JAG1: variants seen among roughly 807,000 people sequenced by gnomAD.
The protein encoded by JAG1 is jagged canonical Notch ligand 1.
JAG1 carries 23 observed loss-of-function variants against 148.7 expected under a neutral mutation model. The observed-to-expected ratio is 0.15, with a 90% CI of 0.11 to 0.22. The LOEUF (loss-of-function observed/expected upper bound fraction) is 0.22. Ranked by LOEUF, JAG1 falls within the 10% of genes least tolerant of loss-of-function variation. The pLI, the probability that JAG1 is intolerant of heterozygous loss-of-function variation, is 1.00. For synonymous variants in JAG1, 572 were observed against 598.3 expected, an observed-to-expected ratio of 0.96 and a Z score of 0.64; for missense variants, 1,054 against 1,611.2, an observed-to-expected ratio of 0.65 and a Z score of 5.92.
At chr20:10,672,310 C>T (rs534220487) in intron 2 of JAG1, among the ~76,000 whole-genome samples, 8 of 152,310 alleles carry the variant, frequency 5.3e-5, no homozygotes, top group African/African-American at 1.9e-4. Context: ...AGAACTGCGC[C>T]GAGTCGCCTT....
chr20:10,656,019 C>T (rs1317769692), intron 5 of JAG1, among the ~76,000 whole-genome samples: 2 of 152,066 alleles, frequency 1.3e-5, no homozygotes, highest in African/African-American at 4.8e-5. Flanking sequence ...TGGGAAAAGT[C>T]GGGGAGGGGG....
At position 10,645,610 on chromosome 20, in the gene JAG1, G is replaced by C; in HGVS notation, c.2000-141C>G. ...AGTCGTAGTACTTTAACACAATCAGGCTTTTCCAGGAATAAAGGAGCTCCC... is the reference window on the plus strand; with the variant it reads ...AGTCGTAGTACTTTAACACAATCAGCCTTTTCCAGGAATAAAGGAGCTCCC... On this transcript the variant is annotated intron_variant, in intron 15 of 25. Transcript: ENST00000254958. This position sits in a 1 kb window ranked among gnomAD's most constrained non-coding sequence, Gnocchi z 6.1. 1 of 752,344 alleles carries C rather than the reference G, an allele frequency of 1.3e-6. No individual in the cohort carries two copies. Among genetic ancestry groups the C allele is most frequent in the South Asian group, 1.5e-5 (1 of 68,068 alleles). 46.6% of individuals were successfully genotyped at this position (752,344 alleles called of 1,614,324 possible). A position where few individuals can be genotyped will look rare whatever the true frequency, so the allele number is the denominator to read the frequency against.
In JAG1 at chr20:10,640,766, T is replaced by C; in HGVS notation, c.3199+17A>G. 1 of 1,613,464 alleles carries C rather than the reference T, an allele frequency of 6.2e-7. No individual in the cohort carries two copies. The highest frequency in any genetic ancestry group is 8.5e-7 in the Non-Finnish European group (1 of 1,179,402). On this transcript the variant is annotated intron_variant, in intron 25 of 25. Coordinates refer to ENST00000254958, the MANE Select transcript of JAG1 (RefSeq NM_000214.3). ...CATCTACTATCATCACACAAACTAG[T>C]CCCACTTGACACCTACCTGTTCTGT...
chr20:10,659,941 G>T (rs990869737), intron 3 of JAG1, among the ~76,000 whole-genome samples: 1 of 152,164 alleles, frequency 6.6e-6, no homozygotes, highest in African/African-American at 2.4e-5. Context: ...TGAAAAGGCA[G>T]CAAGGCACTA....
At chr20:10,666,799 C>A (rs971868379) in intron 2 of JAG1, among the ~76,000 whole-genome samples, 1 of 152,194 alleles carries the variant, frequency 6.6e-6, no homozygotes, top group African/African-American at 2.4e-5. Flanking sequence ...GAATGGTCAG[C>A]CTTCGGAATT....
Position 10,656,522 on chromosome 20 carries a change from G to A in JAG1, c.695-64C>T. The A allele has an allele frequency of 2.2e-6, 3 of 1,369,384 alleles. No individual in the cohort carries two copies. In the South Asian group the frequency reaches 3.5e-5, roughly 16 times the overall value. 84.8% of individuals were successfully genotyped at this position (1,369,384 alleles called of 1,614,324 possible). A position where few individuals can be genotyped will look rare whatever the true frequency, so the allele number is the denominator to read the frequency against. On this transcript the variant is annotated intron_variant, in intron 4 of 25. Transcript: ENST00000254958. ...GTTCCTTGCATCGCCCCGGTCATGA[G>A]AATGGCCCATTGCATTAAAGTCTGC...
intron 2 of JAG1, among the ~76,000 whole-genome samples, chr20:10,671,958 C>CG (rs1464740742): frequency 2.0e-5 from 3 of 152,042 alleles, no homozygotes; most frequent in African/African-American, 7.2e-5. Context: ...GCCGTGCACC[C>CG]GCCCTTCCCG....
At chr20:10,671,638 C>T (rs2122642896) in intron 2 of JAG1, among the ~76,000 whole-genome samples, 1 of 152,286 alleles carries the variant, frequency 6.6e-6, no homozygotes, top group East Asian at 1.9e-4. Flanking sequence ...ACCCACCCTC[C>T]CAGCACAGGC....
intron 13 of JAG1, 98 bp from the exon 14 acceptor site, chr20:10,647,201 G>A (rs2122606505): frequency 7.0e-7 from 1 of 1,418,548 alleles, no homozygotes; most frequent in Non-Finnish European, 9.9e-7. Context: ...CTGGAGACAG[G>A]GACCCTCTGG....
At position 10,645,515 on chromosome 20, in the gene JAG1, C is replaced by T; in HGVS notation, c.2000-46G>A. On this transcript the variant is annotated intron_variant, in intron 15 of 25. Transcript: ENST00000254958. This position sits in a 1 kb window ranked among gnomAD's most constrained non-coding sequence, Gnocchi z 6.1. ...ATCGGCTGAAGACGAGATCCAGGAC[C>T]ATTCACGACAGGCGAGAGCCAAGCC... The T allele has an allele frequency of 6.7e-7, 1 of 1,483,424 alleles. No individual in the cohort carries two copies. The highest frequency in any genetic ancestry group is 9.4e-7 in the Non-Finnish European group (1 of 1,062,928). 91.9% of individuals were successfully genotyped at this position (1,483,424 alleles called of 1,614,324 possible). A position where few individuals can be genotyped will look rare whatever the true frequency, so the allele number is the denominator to read the frequency against.
intron 9 of JAG1, 134 bp downstream of exon 9, chr20:10,650,113 T>G (rs1203561573): frequency 4.2e-6 from 3 of 709,236 alleles, no homozygotes; most frequent in Admixed American, 2.0e-5. Context: ...CCTGCTAGAC[T>G]CTTGATAATA....
At chr20:10,658,077 A>AATC (rs1195584422) in intron 4 of JAG1, among the ~76,000 whole-genome samples, 1 of 152,186 alleles carries the variant, frequency 6.6e-6, no homozygotes, top group Non-Finnish European at 1.5e-5. Context: ...ATTTCAGCCT[A>AATC]ATCCCAGGGT....
chr20:10,666,245 A>G (rs1028250592), intron 2 of JAG1, among the ~76,000 whole-genome samples: 6 of 152,212 alleles, frequency 3.9e-5, no homozygotes, highest in Admixed American at 1.3e-4. Flanking sequence ...ACTATAGATC[A>G]GCAATCAAGA....
At chr20:10,662,637 T>G (rs183446004) in intron 3 of JAG1, 2 of 152,392 alleles carry the variant, frequency 1.3e-5, no homozygotes, top group East Asian at 3.9e-4. Flanking sequence ...TGACATAATG[T>G]TCACAGTCCT....
At chr20:10,656,696 A>C (rs2067381677) in intron 4 of JAG1, among the ~76,000 whole-genome samples, 1 of 152,192 alleles carries the variant, frequency 6.6e-6, no homozygotes, top group Non-Finnish European at 1.5e-5. Context: ...AAATGCAGAC[A>C]AGTTGACGAG....
Position 10,645,322 on chromosome 20 carries a change from C to G in JAG1, c.2113+34G>C. The G allele has an allele frequency of 1.2e-6, 2 of 1,606,092 alleles. No individual in the cohort carries two copies. The highest frequency in any genetic ancestry group is 1.7e-6 in the Non-Finnish European group (2 of 1,172,694). Reference sequence around the variant, plus strand: ...CCCACAGAAGACAGAGGGAAGGGTCCCAGAGATAGCATCCAAGGCCAACTA... The same window carrying G: ...CCCACAGAAGACAGAGGGAAGGGTCGCAGAGATAGCATCCAAGGCCAACTA... On this transcript the variant is annotated intron_variant, in intron 16 of 25. Transcript: ENST00000254958. This position sits in a 1 kb window ranked among gnomAD's most constrained non-coding sequence, Gnocchi z 6.1.
At position 10,645,753 on chromosome 20, in the gene JAG1, G is replaced by A. The variant is rs907637325; in HGVS notation, c.1999+218C>T. ...TGCAAGCAGGAATATTTATTACACA[G>A]TCTAATTCTATAGGTCCTCAGCAGA... On this transcript the variant is annotated intron_variant, in intron 15 of 25. Coordinates refer to ENST00000254958, the MANE Select transcript of JAG1 (RefSeq NM_000214.3). The surrounding 1 kb of genome is among the most constrained non-coding windows in gnomAD (Gnocchi z 6.1). 3.2e-6 allele frequency: 2 copies of A among 622,212 alleles called. No individual in the cohort carries two copies. The highest frequency in any genetic ancestry group is 2.7e-5 in the East Asian group (1 of 36,768). 38.5% of individuals were successfully genotyped at this position (622,212 alleles called of 1,614,324 possible).
intron 5 of JAG1, among the ~76,000 whole-genome samples, chr20:10,655,614 A>C (rs1484679642): frequency 6.6e-6 from 1 of 152,230 alleles, no homozygotes; most frequent in Non-Finnish European, 1.5e-5. Flanking sequence ...CTTTGGGGGC[A>C]AAAGTGACAG....
rs376630327 is a variant in JAG1 at position 10,641,636 on chromosome 20, C to T, written c.2740G>A (p.Gly914Arg). The T allele has an allele frequency of 4.6e-5, 75 of 1,613,808 alleles. 1 individual carries two copies. The South Asian group carries it at 6.7e-4, about 14-fold the overall frequency. ...TCCAGGATGGGGATGCAGCTCTGCC[C>T]GCTGGGGCACTCGCTGTGCCCTTTG... ...LHKGHSECPSGQSCIPILDDQ... is the reference protein window; with the variant it reads ...LHKGHSECPSRQSCIPILDDQ... The change falls in exon 23 of 26, where the codon GGG (glycine) becomes AGG (arginine). Residue 914 changes from glycine to arginine, a missense_variant. By Grantham distance (125) the Gly-to-Arg change is moderately radical. This residue lies in a region of JAG1 where 342 missense variants were observed against 514.6 expected (regional missense o/e 0.66). Transcript: ENST00000254958.
Sources: allele counts gnomAD v4.1 joint callset (sites outside exome capture counted in the v4.1 genomes callset), GRCh38; gene constraint gnomAD v4.1.1; regional missense constraint gnomAD v4.1.1; non-coding constraint Gnocchi (gnomAD v3.1); transcripts MANE v1.5; gene names NCBI Gene and HGNC (gene_info 2026-07-23, HGNC 2026-07-21).